ACTL8: variants seen among roughly 807,000 people sequenced by gnomAD.
ACTL8 encodes the protein actin-like protein 8.
In ACTL8, 3 loss-of-function variants were observed where a neutral mutation model predicts 9.3. That is an observed-to-expected ratio of 0.32 (90% CI 0.15 to 0.83). The LOEUF is 0.83. Ranked by LOEUF, ACTL8 falls within the 40% of genes least tolerant of loss-of-function variation. The pLI, the probability that ACTL8 is intolerant of heterozygous loss-of-function variation, is 0.57. For synonymous variants in ACTL8, 224 were observed against 205.9 expected, an observed-to-expected ratio of 1.09 and a Z score of -0.75; for missense variants, 381 against 492.2, an observed-to-expected ratio of 0.77 and a Z score of 2.14.
At chr1:17,787,016 T>G (rs539485377) in intron 1 of ACTL8, among the ~76,000 whole-genome samples, 56 of 152,266 alleles carry the variant, frequency 3.7e-4, no homozygotes, top group African/African-American at 1.2e-3. Context: ...CAGTTTTAGA[T>G]AAGTGCATAA....
chr1:17,782,632 A>G (rs929720219), intron 1 of ACTL8, among the ~76,000 whole-genome samples: 2 of 152,190 alleles, frequency 1.3e-5, no homozygotes, highest in Non-Finnish European at 2.9e-5. Context: ...TTTACCAGCC[A>G]CATAGAGTTC....
rs1363125798 is a variant in ACTL8, at chr1:17,817,487, T to G, written c.-24-5498T>G. Among the ~76,000 whole-genome samples the G allele has an allele frequency of 3.3e-5, 5 of 152,156 alleles. No individual in the cohort carries two copies. In the East Asian group the frequency reaches 7.7e-4, roughly 23 times the overall value. The stretch of plus-strand genomic sequence containing the variant: ...CTCCTAATTTCTCATCCCATTCGAT[T>G]CTTCCCTTCTTGAAATACTTTCTCT... On this transcript the variant is annotated intron_variant, in intron 1 of 2. Coordinates refer to ENST00000375406, the MANE Select transcript of ACTL8 (RefSeq NM_030812.3).
At chr1:17,788,683 G>T (rs557941933) in intron 1 of ACTL8, among the ~76,000 whole-genome samples, 1 of 152,236 alleles carries the variant, frequency 6.6e-6, no homozygotes, top group Non-Finnish European at 1.5e-5. Context: ...CCTACCTGAG[G>T]AGTCCCACCC....
At chr1:17,800,562 C>T (rs1432186232) in intron 1 of ACTL8, among the ~76,000 whole-genome samples, 1 of 140,336 alleles carries the variant, frequency 7.1e-6, no homozygotes, top group African/African-American at 2.7e-5. Flanking sequence ...CAGTGGCAAA[C>T]TTCCTTGCCT....
Position 17,826,784 on chromosome 1 carries a change from T to C in ACTL8, c.*265T>C. ...GGGTGGCCTATCATTGGGGTATGAGTGGCTGACTGCCATCTCCATGCCTGA... is the reference window on the plus strand; with the variant it reads ...GGGTGGCCTATCATTGGGGTATGAGCGGCTGACTGCCATCTCCATGCCTGA... On this transcript the variant is annotated 3_prime_UTR_variant, in exon 3 of 3. Transcript: ENST00000375406. This position sits in a 1 kb window ranked among gnomAD's most constrained non-coding sequence, Gnocchi z 4.5. 3.2e-6 allele frequency: 1 copy of C among 309,488 alleles called. No individual in the cohort carries two copies. The highest frequency in any genetic ancestry group is 5.9e-6 in the Non-Finnish European group (1 of 168,090). The allele number at this position is 309,488 out of a possible 1,614,324, so 19.2% of individuals were successfully genotyped here. A position where few individuals can be genotyped will look rare whatever the true frequency, so the allele number is the denominator to read the frequency against.
chr1:17,820,840 GTA>G (rs2053653951), intron 1 of ACTL8, among the ~76,000 whole-genome samples: 1 of 152,192 alleles, frequency 6.6e-6, no homozygotes, highest in African/African-American at 2.4e-5. Flanking sequence ...GCCTCCCAAA[GTA>G]TGCTGAACTT....
chr1:17,764,083 T>TG (rs1225253490), intron 1 of ACTL8, among the ~76,000 whole-genome samples: 1 of 133,108 alleles, frequency 7.5e-6, no homozygotes, highest in African/African-American at 2.8e-5. Context: ...GAAACCCCGG[T>TG]GGGGGTGGGG....
At chr1:17,800,489 C>T (rs976690187) in intron 1 of ACTL8, among the ~76,000 whole-genome samples, 1 of 151,246 alleles carries the variant, frequency 6.6e-6, no homozygotes, top group Non-Finnish European at 1.5e-5. Flanking sequence ...AGTTATTTTA[C>T]GTGATGTTTC....
chr1:17,798,055 T>TA (rs987677336), intron 1 of ACTL8, among the ~76,000 whole-genome samples: 3 of 150,312 alleles, frequency 2.0e-5, no homozygotes, highest in African/African-American at 7.4e-5. Context: ...CAATCTGTGT[T>TA]ACCTCCACCA....
chr1:17,817,586 T>C (rs1246655278), intron 1 of ACTL8, among the ~76,000 whole-genome samples: 1 of 152,206 alleles, frequency 6.6e-6, no homozygotes, highest in Non-Finnish European at 1.5e-5. Context: ...GTCCTCTTTA[T>C]TGGTGCCTTC....
At chr1:17,811,168 TTTTAA>T (rs1446592872) in intron 1 of ACTL8, among the ~76,000 whole-genome samples, 3 of 152,206 alleles carry the variant, frequency 2.0e-5, no homozygotes, top group African/African-American at 7.2e-5. Flanking sequence ...AATTTTATGG[TTTTAA>T]TTTGTTTTTC....
At chr1:17,755,947 G>A (rs950270322) in intron 1 of ACTL8, among the ~76,000 whole-genome samples, 2 of 151,752 alleles carry the variant, frequency 1.3e-5, no homozygotes, top group Non-Finnish European at 1.5e-5. Context: ...GTCCTGGGGT[G>A]GGGGGCTGTT....
chr1:17,775,243 C>T lies in ACTL8; in HGVS notation c.-25+19739C>T, dbSNP rs577788317. ...GACCGAGGGCTGATGTCAGCCAGTA[C>T]GTTTGGAGCCCAGGGGTCCAGCTGG... is the stretch of plus-strand genomic sequence containing the variant. On this transcript the variant is annotated intron_variant, in intron 1 of 2. Coordinates refer to ENST00000375406, the MANE Select transcript of ACTL8 (RefSeq NM_030812.3). Among the ~76,000 whole-genome samples the T allele has an allele frequency of 2.2e-4, 33 of 152,262 alleles. No homozygotes were observed. The South Asian group carries it at 2.5e-3, about 11-fold the overall frequency.
At chr1:17,792,332 G>A (rs955136748) in intron 1 of ACTL8, among the ~76,000 whole-genome samples, 2 of 152,146 alleles carry the variant, frequency 1.3e-5, no homozygotes, top group African/African-American at 4.8e-5. Flanking sequence ...TAGGCCCATG[G>A]CTGGTTTGAT....
intron 1 of ACTL8, among the ~76,000 whole-genome samples, chr1:17,762,866 G>A (rs1447845452): frequency 6.6e-6 from 1 of 152,126 alleles, no homozygotes; most frequent in Non-Finnish European, 1.5e-5. Context: ...GCCTCCCGGG[G>A]ACTCAGTTTT....
At chr1:17,761,911 C>G (rs570511492) in intron 1 of ACTL8, among the ~76,000 whole-genome samples, 61 of 151,822 alleles carry the variant, frequency 4.0e-4, no homozygotes, top group African/African-American at 1.4e-3. Context: ...CCTCCAGCAT[C>G]TAGGGAAGGA....
At chr1:17,803,148 C>T (rs187235864) in intron 1 of ACTL8, among the ~76,000 whole-genome samples, 2 of 152,064 alleles carry the variant, frequency 1.3e-5, no homozygotes, top group East Asian at 1.9e-4. Flanking sequence ...ATGCTATTCT[C>T]GTAATAGTGA....
chr1:17,820,568 C>CTT (rs36094618), intron 1 of ACTL8, among the ~76,000 whole-genome samples: 2 of 139,526 alleles, frequency 1.4e-5, no homozygotes, highest in African/African-American at 2.7e-5. Context: ...GTATGTTGAA[C>CTT]TTTTTTTTTT....
rs959203216 is a variant in ACTL8, at chr1:17,767,192, C to T, written c.-25+11688C>T. 6.6e-6 allele frequency among the ~76,000 whole-genome samples: 1 copy of T among 152,056 alleles called. No homozygotes were observed. Among genetic ancestry groups the T allele is most frequent in the African/African-American group, 2.4e-5 (1 of 41,404 alleles). On this transcript the variant is annotated intron_variant, in intron 1 of 2. Transcript: ENST00000375406. The surrounding 1 kb of genome is among the most constrained non-coding windows in gnomAD (Gnocchi z 4.7). Reference sequence around the variant, plus strand: ...GAGAGCAGCGTCTGCAAAGGCCCTGCGGTGGGACTGTGGAGGCCTGCTCTG... The same window carrying T: ...GAGAGCAGCGTCTGCAAAGGCCCTGTGGTGGGACTGTGGAGGCCTGCTCTG...
Sources: gnomAD v4.1 joint callset for allele counts (sites outside exome capture counted in the v4.1 genomes callset) on GRCh38, gnomAD v4.1.1 for gene constraint, Gnocchi (gnomAD v3.1) non-coding constraint, MANE v1.5 for transcripts, NCBI Gene and HGNC (gene_info 2026-07-23, HGNC 2026-07-21) for gene names.